PTBP2: variants seen among roughly 807,000 people sequenced by gnomAD.
The protein encoded by PTBP2 is polypyrimidine tract binding protein 2, also known as polypyrimidine tract-binding protein 2.
A neutral mutation model predicts 61.4 loss-of-function variants in PTBP2; 13 were observed. The observed-to-expected ratio is 0.21, with a 90% CI of 0.14 to 0.34. The LOEUF (loss-of-function observed/expected upper bound fraction) is 0.34, where lower values mean the gene tolerates loss of function less well. Among genes scored for constraint, PTBP2 ranks in the 10% least tolerant of loss-of-function variants. The pLI is 1.00. For synonymous variants in PTBP2, 215 were observed against 218.5 expected (o/e 0.98, Z 0.14); for missense variants, 405 against 642.6 (o/e 0.63, Z 4.00).
Position 96,721,787 on chromosome 1 carries a change from C to A in PTBP2, c.-78C>A. The A allele has an allele frequency of 1.9e-6, 3 of 1,542,212 alleles. No homozygotes were observed. The highest frequency in any genetic ancestry group is 2.0e-5 in the Admixed American group (1 of 50,582). Reference sequence around the variant, plus strand: ...TCGGCAATTTCCGTCGGGCCCCAGCCGCCATTTTCTCGCCGCTTGTGTGGC... The same window carrying A: ...TCGGCAATTTCCGTCGGGCCCCAGCAGCCATTTTCTCGCCGCTTGTGTGGC... On this transcript the variant is annotated 5_prime_UTR_variant, in exon 1 of 14. Coordinates refer to ENST00000674951, the MANE Select transcript of PTBP2 (RefSeq NM_021190.4).
exon 14 of PTBP2, chr1:96,822,596 GTA>G (rs1464964727): frequency 6.6e-6 from 1 of 152,048 alleles, no homozygotes; most frequent in Non-Finnish European, 1.5e-5. Flanking sequence ...TTTAGTTTTT[GTA>G]TGTTTCTTTT....
At chr1:96,773,939 G>A (rs1422660934) in intron 5 of PTBP2, among the ~76,000 whole-genome samples, 2 of 149,700 alleles carry the variant, frequency 1.3e-5, no homozygotes, top group Non-Finnish European at 3.0e-5. Context: ...CTTCAGCCTG[G>A]GCGACAGAGC....
At position 96,751,094 on chromosome 1, in the gene PTBP2, C is replaced by T. The variant is rs551957276; in HGVS notation, c.40-331C>T. On this transcript the variant is annotated intron_variant, in intron 2 of 13. Transcript: ENST00000674951. ...CCATTGGGATGGAGGATTTATAGAA[C>T]GTTTCTGAGAAAGTCTAGCTGTTGT... 7.2e-5 allele frequency among the ~76,000 whole-genome samples: 11 copies of T among 152,142 alleles called. No homozygotes were observed. The South Asian group carries it at 1.5e-3, about 20-fold the overall frequency.
intron 3 of PTBP2, among the ~76,000 whole-genome samples, chr1:96,760,430 A>G (rs1655674576): frequency 6.6e-6 from 1 of 151,414 alleles, no homozygotes; most frequent in African/African-American, 2.4e-5. Flanking sequence ...ATAGTTGGGA[A>G]AATAGTTTGC....
Position 96,721,837 on chromosome 1 carries a change from T to G in PTBP2, c.-28T>G. 6.4e-7 allele frequency: 1 copy of G among 1,560,896 alleles called. No homozygotes were observed. The highest frequency in any genetic ancestry group is 8.7e-7 in the Non-Finnish European group (1 of 1,152,422). On this transcript the variant is annotated 5_prime_UTR_variant, in exon 1 of 14. Transcript: ENST00000674951. ...CTCGCTGGCTGCGTGGCTCGGTTCT[T>G]GTGAGCGAAGCTTTGTCCGGTTCGG... is the stretch of plus-strand genomic sequence containing the variant.
chr1:96,821,716 C>T (rs1441665531), exon 14 of PTBP2: 1 of 152,120 alleles, frequency 6.6e-6, no homozygotes, highest in Non-Finnish European at 1.5e-5. Context: ...GCAACCTCCA[C>T]CTCTCGGGTT....
intron 2 of PTBP2, among the ~76,000 whole-genome samples, chr1:96,747,099 A>T (rs973122859): frequency 2.0e-5 from 3 of 151,058 alleles, no homozygotes; most frequent in African/African-American, 7.3e-5. Context: ...CCCCACCACT[A>T]GTTCCCAGTG....
chr1:96,780,703 A>AT (rs1481382262), intron 7 of PTBP2, among the ~76,000 whole-genome samples: 1 of 98,022 alleles, frequency 1.0e-5, no homozygotes, highest in African/African-American at 5.0e-5. Flanking sequence ...TCACAGCTCC[A>AT]TTAAACCTCT....
intron 11 of PTBP2, among the ~76,000 whole-genome samples, chr1:96,811,912 T>A (rs1326107046): frequency 6.6e-6 from 1 of 152,216 alleles, no homozygotes; most frequent in African/African-American, 2.4e-5. Context: ...TCATGTAATG[T>A]TCTGTTTTCA....
At chr1:96,766,399 C>G (rs930545201) in intron 3 of PTBP2, among the ~76,000 whole-genome samples, 2 of 152,076 alleles carry the variant, frequency 1.3e-5, no homozygotes, top group African/African-American at 4.8e-5. Flanking sequence ...CACGCCCAAA[C>G]AAAAGTTCTG....
intron 8 of PTBP2, among the ~76,000 whole-genome samples, chr1:96,787,192 T>C (rs966066294): frequency 6.6e-6 from 1 of 152,020 alleles, no homozygotes; most frequent in African/African-American, 2.4e-5. Context: ...GGCTAACTTT[T>C]GTCTTTTTTC....
At chr1:96,774,465 T>C (rs1007275175) in intron 5 of PTBP2, among the ~76,000 whole-genome samples, 10 of 152,232 alleles carry the variant, frequency 6.6e-5, no homozygotes, top group Non-Finnish European at 1.5e-4. Flanking sequence ...TGTTTGTTTA[T>C]TTTATATTCA....
At chr1:96,754,893 A>T (rs528040044) in intron 3 of PTBP2, among the ~76,000 whole-genome samples, 1 of 152,206 alleles carries the variant, frequency 6.6e-6, no homozygotes, top group Admixed American at 6.5e-5. Context: ...ACCAAAAATT[A>T]TAAAATCTCT....
chr1:96,738,745 G>A (rs186884664), intron 2 of PTBP2, among the ~76,000 whole-genome samples: 190 of 152,072 alleles, frequency 1.2e-3, no homozygotes, highest in African/African-American at 4.5e-3. Context: ...AATATATGTC[G>A]GTTTAAATAC....
At chr1:96,772,627 G>T (rs980386637) in intron 5 of PTBP2, among the ~76,000 whole-genome samples, 1 of 152,056 alleles carries the variant, frequency 6.6e-6, no homozygotes, top group African/African-American at 2.4e-5. Context: ...ACTAATGTGA[G>T]TTCAGCTTTT....
intron 7 of PTBP2, 37 bp downstream of exon 7, chr1:96,777,983 T>G: frequency 8.3e-7 from 1 of 1,206,738 alleles, no homozygotes; most frequent in Non-Finnish European, 1.2e-6. Flanking sequence ...TTTTTTTTAT[T>G]GAAATGTATA....
intron 7 of PTBP2, among the ~76,000 whole-genome samples, chr1:96,784,181 C>T (rs930824335): frequency 2.0e-5 from 3 of 152,008 alleles, no homozygotes; most frequent in African/African-American, 7.2e-5. Context: ...TCCAGCTGAA[C>T]TAGAAATGGT....
At position 96,813,661 on chromosome 1, in the gene PTBP2, C is replaced by CTTTTTTTTTTTTTT. The variant is rs66475516; in HGVS notation, c.*264_*277dup. On this transcript the variant is annotated 3_prime_UTR_variant, in exon 14 of 14. Coordinates refer to ENST00000674951, the MANE Select transcript of PTBP2 (RefSeq NM_021190.4). Reference sequence around the variant, plus strand: ...TGTTTAAAATTTCAGTTTAATTTTGCTTTTTTTTTTTTTTTTTTTTTCCTT... The same window carrying CTTTTTTTTTTTTTT: ...TGTTTAAAATTTCAGTTTAATTTTGCTTTTTTTTTTTTTTTTTTTTTTTTTTTTTTTTTTTCCTT... 2.1e-4 allele frequency: 25 copies of CTTTTTTTTTTTTTT among 120,672 alleles called. No homozygotes were observed. The highest frequency in any genetic ancestry group is 3.9e-4 in the East Asian group (2 of 5,108). 7.5% of individuals were successfully genotyped at this position (120,672 alleles called of 1,614,324 possible). A position where few individuals can be genotyped will look rare whatever the true frequency, so the allele number is the denominator to read the frequency against.
chr1:96,739,247 A>G (rs1231058666), intron 2 of PTBP2, among the ~76,000 whole-genome samples: 2 of 152,148 alleles, frequency 1.3e-5, no homozygotes, highest in African/African-American at 4.8e-5. Context: ...TTAAACCCTG[A>G]TATTTTCTTG....
Sources: gnomAD v4.1 joint callset for allele counts (sites outside exome capture counted in the v4.1 genomes callset) on GRCh38, gnomAD v4.1.1 for gene constraint, MANE v1.5 for transcripts, NCBI Gene and HGNC (gene_info 2026-07-23, HGNC 2026-07-21) for gene names.